NCOA7: variants seen among roughly 807,000 people sequenced by gnomAD.
NCOA7 encodes nuclear receptor coactivator 7, also known as 140 kDa estrogen receptor-associated protein.
A neutral mutation model predicts 104.3 loss-of-function variants in NCOA7; 45 were observed. That is an observed-to-expected ratio of 0.43 (90% CI 0.34 to 0.55). The LOEUF (loss-of-function observed/expected upper bound fraction) is 0.55. NCOA7 is among the 20% of genes least tolerant of loss of function. NCOA7 has a pLI of 0.02. For synonymous variants in NCOA7, 398 were observed against 402.3 expected (o/e 0.99, Z 0.13); for missense variants, 1,041 against 1,119.7 (o/e 0.93, Z 1.00).
At chr6:125,875,088 C>A in intron 4 of NCOA7, 120 bp downstream of exon 4, 1 of 672,758 alleles carries the variant, frequency 1.5e-6, no homozygotes, top group Non-Finnish European at 2.6e-6. Flanking sequence ...AACAATCAAG[C>A]TTCTTAAGAC....
chr6:125,791,554 A>G (rs1197560174), intron 1 of NCOA7, among the ~76,000 whole-genome samples: 1 of 152,232 alleles, frequency 6.6e-6, no homozygotes, highest in East Asian at 1.9e-4. Context: ...TAGTTGGTAT[A>G]TAAAATCGAT....
chr6:125,890,472 T>C (rs946002302), intron 9 of NCOA7, among the ~76,000 whole-genome samples, 170 bp from the exon 10 acceptor site: 3 of 152,176 alleles, frequency 2.0e-5, no homozygotes, highest in African/African-American at 7.2e-5. Flanking sequence ...GCTTTTTCCT[T>C]GTGTGCTAAA....
intron 1 of NCOA7, among the ~76,000 whole-genome samples, chr6:125,800,872 C>T (rs1335221378): frequency 6.6e-6 from 1 of 152,158 alleles, no homozygotes; most frequent in Admixed American, 6.5e-5. Flanking sequence ...ACTAAAAATA[C>T]AAAAATTAGG....
intron 10 of NCOA7, among the ~76,000 whole-genome samples, chr6:125,902,031 C>T (rs1426741111): frequency 6.6e-6 from 1 of 152,102 alleles, no homozygotes; most frequent in African/African-American, 2.4e-5. Context: ...TCTGCTGAGC[C>T]ACTCTGCTTC....
intron 1 of NCOA7, among the ~76,000 whole-genome samples, chr6:125,803,981 G>A (rs1776168621): frequency 6.6e-6 from 1 of 151,708 alleles, no homozygotes; most frequent in Non-Finnish European, 1.5e-5. Context: ...GATGCATTGG[G>A]ACCCAGTCTA....
intron 11 of NCOA7, 29 bp from the exon 12 acceptor site, chr6:125,920,914 A>G: frequency 6.2e-7 from 1 of 1,607,046 alleles, no homozygotes; most frequent in Non-Finnish European, 8.5e-7. Context: ...CCAATAAGTT[A>G]TTTTTCTTGG....
chr6:125,928,824 T>C lies in NCOA7; in HGVS notation c.*53T>C. On this transcript the variant is annotated 3_prime_UTR_variant, in exon 16 of 16. Transcript: ENST00000392477. Reference sequence around the variant, plus strand: ...TAAAAAGACTGGGTTCGATCAGCCCTCCTAAAGCTGGCTGGAAAAAGAAGC... The same window carrying C: ...TAAAAAGACTGGGTTCGATCAGCCCCCCTAAAGCTGGCTGGAAAAAGAAGC... 1.3e-6 allele frequency: 2 copies of C among 1,559,916 alleles called. No homozygotes were observed. The highest frequency in any genetic ancestry group is 1.7e-6 in the Non-Finnish European group (2 of 1,157,448).
intron 7 of NCOA7, among the ~76,000 whole-genome samples, chr6:125,884,346 T>C (rs1454177222): frequency 1.3e-5 from 2 of 152,236 alleles, no homozygotes; most frequent in African/African-American, 4.8e-5. Context: ...ATGATTTCAT[T>C]TTCTTTGGAT....
intron 10 of NCOA7, among the ~76,000 whole-genome samples, chr6:125,904,243 C>T (rs1338923883): frequency 2.0e-5 from 3 of 152,136 alleles, no homozygotes; most frequent in Admixed American, 2.0e-4. Context: ...GAATTCCTTC[C>T]CTGCCTCTTG....
At chr6:125,833,329 G>A (rs9375414) in intron 2 of NCOA7, among the ~76,000 whole-genome samples, 45,159 of 151,924 alleles carry the variant, frequency 0.3, 8,201 homozygotes, top group East Asian at 0.48. Flanking sequence ...GCTCACACCT[G>A]TAATCCCAGG....
chr6:125,882,100 C>A (rs1783887412), intron 6 of NCOA7, among the ~76,000 whole-genome samples: 1 of 152,128 alleles, frequency 6.6e-6, no homozygotes, highest in Non-Finnish European at 1.5e-5. Context: ...GTGATCTGCC[C>A]ACCCCGGCCT....
chr6:125,809,253 A>T (rs1199707387), intron 1 of NCOA7, among the ~76,000 whole-genome samples: 3 of 151,938 alleles, frequency 2.0e-5, no homozygotes, highest in Non-Finnish European at 4.4e-5. Flanking sequence ...CAGTGGTGCA[A>T]TCTAGGCTCA....
chr6:125,783,821 C>T (rs1774339912), intron 1 of NCOA7, among the ~76,000 whole-genome samples: 1 of 152,122 alleles, frequency 6.6e-6, no homozygotes, highest in African/African-American at 2.4e-5. Context: ...GCATACTCTA[C>T]ATGATTTTCT....
chr6:125,840,880 T>TGTTTG (rs1168170270), intron 2 of NCOA7, among the ~76,000 whole-genome samples: 4 of 18,650 alleles, frequency 2.1e-4, no homozygotes, highest in African/African-American at 5.3e-4. Flanking sequence ...TTTTTTTTTT[T>TGTTTG]TTTTTTTTTT....
chr6:125,879,883 A>G (rs1259269009), intron 5 of NCOA7, among the ~76,000 whole-genome samples: 1 of 152,132 alleles, frequency 6.6e-6, no homozygotes, highest in African/African-American at 2.4e-5. Context: ...GGGTTCCTAT[A>G]ATCCCAGCTA....
At chr6:125,856,673 C>T (rs1781589643) in intron 3 of NCOA7, among the ~76,000 whole-genome samples, 4 of 151,840 alleles carry the variant, frequency 2.6e-5, no homozygotes, top group Admixed American at 2.0e-4. Context: ...TTTAATGTAA[C>T]CTTCCAACAG....
chr6:125,834,343 T>TA (rs1158016017), intron 2 of NCOA7, among the ~76,000 whole-genome samples: 14 of 152,162 alleles, frequency 9.2e-5, no homozygotes, highest in Admixed American at 3.9e-4. Context: ...AAAGTTTGAT[T>TA]AAAAAAACGG....
intron 3 of NCOA7, among the ~76,000 whole-genome samples, chr6:125,860,928 G>A (rs980619737): frequency 1.3e-5 from 2 of 152,168 alleles, no homozygotes; most frequent in Non-Finnish European, 2.9e-5. Context: ...ATCTTGGATA[G>A]TGAAGTTGAA....
At chr6:125,884,640 T>C (rs1434718350) in intron 7 of NCOA7, among the ~76,000 whole-genome samples, 1 of 152,220 alleles carries the variant, frequency 6.6e-6, no homozygotes, top group African/African-American at 2.4e-5. Context: ...CTTTGACTTT[T>C]GTTGGATATG....
Sources: allele counts gnomAD v4.1 joint callset (sites outside exome capture counted in the v4.1 genomes callset), GRCh38; gene constraint gnomAD v4.1.1; transcripts MANE v1.5; gene names NCBI Gene and HGNC (gene_info 2026-07-23, HGNC 2026-07-21).